RETNLB: variants seen among roughly 807,000 people sequenced by gnomAD.
RETNLB encodes resistin-like beta.
A neutral mutation model predicts 6.8 loss-of-function variants in RETNLB; 11 were observed. That is an observed-to-expected ratio of 1.62 (90% CI 1.02 to 2.68). The LOEUF is 2.68. RETNLB is among the 30% of genes most tolerant of loss of function. The pLI, the probability that RETNLB is intolerant of heterozygous loss-of-function variation, is 0.00. For missense variants in RETNLB, 146 were observed against 135.7 expected (o/e 1.08, Z -0.38); for synonymous variants, 57 against 54.2 (o/e 1.05, Z -0.23).
chr3:108,756,817 T>C, intron 1 of RETNLB: 1 of 595,334 alleles, frequency 1.7e-6, no homozygotes. Flanking sequence ...ACTTGGATTA[T>C]ACCTGGTTCA....
chr3:108,756,648 C>T (rs1276788183), intron 1 of RETNLB, 60 bp from the exon 2 acceptor site: 1 of 1,213,206 alleles, frequency 8.2e-7, no homozygotes, highest in African/African-American at 1.5e-5. Flanking sequence ...ATCCCCTTAT[C>T]CCCTTCCAAA....
chr3:108,756,855 C>T (rs145063685), intron 1 of RETNLB: 7,891 of 609,130 alleles, frequency 0.013, 73 homozygotes, highest in Middle Eastern at 0.021. Context: ...TTACAGCTAC[C>T]ATTCTCCTCC....
chr3:108,756,930 T>C (rs1945254429), intron 1 of RETNLB, 129 bp downstream of exon 1: 2 of 1,037,592 alleles, frequency 1.9e-6, no homozygotes, highest in Non-Finnish European at 1.4e-6. Context: ...GGTAGGGTAG[T>C]GTAGAAAGCC....
At position 108,757,035 on chromosome 3, in the gene RETNLB, G is replaced by A. The variant is rs368375598; in HGVS notation, c.127+24C>T. On this transcript the variant is annotated intron_variant, in intron 1 of 2. Transcript: ENST00000295755. ...AGAAATGAGCAAGGGTCAACCCCCC[G>A]CTTCCCCTACCCCAGTCAGTTACCT... 7.0e-5 allele frequency: 113 copies of A among 1,606,520 alleles called. No individual in the cohort carries two copies. In the East Asian group the frequency reaches 1.8e-3, roughly 26 times the overall value.
chr3:108,756,587 C>T lies in RETNLB; in HGVS notation c.129G>A (p.Glu43=), dbSNP rs779262328. 1.9e-6 allele frequency: 3 copies of T among 1,606,392 alleles called. No individual in the cohort carries two copies. In the East Asian group the frequency reaches 6.7e-5, roughly 36 times the overall value. Residue 43 remains glutamate, a splice_region_variant and synonymous_variant, in exon 2 of 3, where the codon GAG becomes GAA. Transcript: ENST00000295755. ...TCTTGCTTATAGGAGAGGGACTGTA[C>T]TCTGAGTAGGAAAGAAGAAAGGGTA... ...KKIKDVLNSL[E]YSPSPISKKL... is the part of the protein sequence containing the mutation.
At chr3:108,756,881 T>C (rs1175408687) in intron 1 of RETNLB, 178 bp downstream of exon 1, 2 of 676,824 alleles carry the variant, frequency 3.0e-6, no homozygotes, top group Non-Finnish European at 4.8e-6. Context: ...TTCCTCCTCA[T>C]CAGGAAAACC....
chr3:108,757,179 G>A lies in RETNLB; in HGVS notation c.7C>T (p.Pro3Ser), dbSNP rs778630730. 6.2e-6 allele frequency: 10 copies of A among 1,613,144 alleles called. No individual in the cohort carries two copies. Among genetic ancestry groups the A allele is most frequent in the Non-Finnish European group, 8.5e-6 (10 of 1,179,672 alleles). Residue 3 changes from proline (P) to serine (S), a missense_variant, in exon 1 of 3, where the codon CCG (proline) becomes TCG (serine). By Grantham distance (74) the Pro-to-Ser change is moderately conservative. Transcript: ENST00000295755. ...AGGATGAGAAGGAGGCAAGAGGACG[G>A]CCCCATCCTGTACAGAGTCAGTGTC... MG[P>S]SSCLLLILIP...
chr3:108,756,699 C>T, intron 1 of RETNLB, 111 bp from the exon 2 acceptor site: 1 of 766,400 alleles, frequency 1.3e-6, no homozygotes, highest in Non-Finnish European at 2.3e-6. Flanking sequence ...CCAGAATCAG[C>T]CTACTCATCA....
intron 1 of RETNLB, 128 bp downstream of exon 1, chr3:108,756,931 G>A: frequency 2.8e-6 from 3 of 1,073,634 alleles, no homozygotes; most frequent in South Asian, 1.7e-5. Flanking sequence ...GTAGGGTAGT[G>A]TAGAAAGCCC....
Position 108,755,736 on chromosome 3 carries a change from T to C in RETNLB, c.*42A>G. ...TTCTTGGTTGGGACCCTGGTTTCAT[T>C]ACTGTCATGGTCACAAAACTGAGTT... On this transcript the variant is annotated 3_prime_UTR_variant, in exon 3 of 3. Transcript: ENST00000295755. 1.9e-6 allele frequency: 3 copies of C among 1,601,238 alleles called. No homozygotes were observed. Among genetic ancestry groups the C allele is most frequent in the Non-Finnish European group, 2.6e-6 (3 of 1,169,616 alleles).
rs199529764 is a variant in RETNLB, at chr3:108,756,495, G to A, written c.208+13C>T. 2 of 1,574,412 alleles carry A rather than the reference G, an allele frequency of 1.3e-6. No individual in the cohort carries two copies. The highest frequency in any genetic ancestry group is 3.3e-5 in the Admixed American group (2 of 59,950). The stretch of plus-strand genomic sequence containing the variant: ...GCATCGTAGTCGCCATTCCCTCTCA[G>A]GGAGTTACTCACCAGCAGGGCAGGA... On this transcript the variant is annotated intron_variant, in intron 2 of 2. Coordinates refer to ENST00000295755, the MANE Select transcript of RETNLB (RefSeq NM_032579.3).
rs1443496199 is a variant in RETNLB at position 108,756,920 on chromosome 3, G to A, written c.127+139C>T. Reference sequence around the variant, plus strand: ...GCTTTTAGCCAAGACTTCAAACACGGGTAGGGTAGTGTAGAAAGCCCTCAT... The same window carrying A: ...GCTTTTAGCCAAGACTTCAAACACGAGTAGGGTAGTGTAGAAAGCCCTCAT... On this transcript the variant is annotated intron_variant, in intron 1 of 2. Coordinates refer to ENST00000295755, the MANE Select transcript of RETNLB (RefSeq NM_032579.3). The A allele has an allele frequency of 9.4e-6, 9 of 953,448 alleles. No homozygotes were observed. The Admixed American group carries it at 2.5e-4, about 27-fold the overall frequency. The allele number at this position is 953,448 out of a possible 1,614,324, so 59.1% of individuals were successfully genotyped here.
At chr3:108,756,387 C>T in intron 2 of RETNLB, 121 bp downstream of exon 2, 1 of 712,182 alleles carries the variant, frequency 1.4e-6, no homozygotes, top group Non-Finnish European at 2.5e-6. Flanking sequence ...AGAGTCATGA[C>T]TCAGCCCCAG....
chr3:108,756,857 T>C (rs760652899), intron 1 of RETNLB: 2 of 615,266 alleles, frequency 3.3e-6, no homozygotes, highest in Non-Finnish European at 5.6e-6. Flanking sequence ...ACAGCTACCA[T>C]TCTCCTCCAC....
At chr3:108,756,232 G>A (rs1379857948) in intron 2 of RETNLB, among the ~76,000 whole-genome samples, 1 of 152,196 alleles carries the variant, frequency 6.6e-6, no homozygotes, top group Non-Finnish European at 1.5e-5. Context: ...AATGAAGTAT[G>A]TGATCATTAT....
intron 1 of RETNLB, 61 bp from the exon 2 acceptor site, chr3:108,756,649 C>T: frequency 8.3e-7 from 1 of 1,210,110 alleles, no homozygotes; most frequent in Non-Finnish European, 1.2e-6. Flanking sequence ...TCCCCTTATC[C>T]CCTTCCAAAT....
Position 108,755,782 on chromosome 3 carries a change from G to T in RETNLB, c.332C>A (p.Thr111Asn). 6.2e-7 allele frequency: 1 copy of T among 1,613,940 alleles called. No individual in the cohort carries two copies. Among genetic ancestry groups the T allele is most frequent in the Non-Finnish European group, 8.5e-7 (1 of 1,179,848 alleles). Residue 111 changes from threonine (T) to asparagine (N), a missense_variant, in exon 3 of 3, where the codon ACC (threonine) becomes AAC (asparagine). Physicochemically the swap from Thr to Asn is moderately conservative, Grantham distance 65 (BLOSUM62 0). Transcript: ENST00000295755. The part of the protein sequence containing the change: ...DWTTARCCHL[T>N] ...GAGTTCTCAGCCTCCTCCCTGTCAGGTCAGGTGGCAGCAGCGGGCAGTGGT... is the reference window on the plus strand; with the variant it reads ...GAGTTCTCAGCCTCCTCCCTGTCAGTTCAGGTGGCAGCAGCGGGCAGTGGT...
Position 108,757,258 on chromosome 3 carries a change from G to C in RETNLB, c.-73C>G. ...GCTTAGATCTCTGAGCTCCTGGGTGGTGGTGAAGGAAAGAAGACAACGTGG... is the reference window on the plus strand; with the variant it reads ...GCTTAGATCTCTGAGCTCCTGGGTGCTGGTGAAGGAAAGAAGACAACGTGG... On this transcript the variant is annotated 5_prime_UTR_variant, in exon 1 of 3. Transcript: ENST00000295755. The C allele has an allele frequency of 1.3e-6, 2 of 1,524,194 alleles. No individual in the cohort carries two copies. Among genetic ancestry groups the C allele is most frequent in the South Asian group, 1.4e-5 (1 of 73,752 alleles). The allele number at this position is 1,524,194 out of a possible 1,614,324, so 94.4% of individuals were successfully genotyped here.
chr3:108,756,436 T>C lies in RETNLB; in HGVS notation c.208+72A>G, dbSNP rs1039824173. On this transcript the variant is annotated intron_variant, in intron 2 of 2. Transcript: ENST00000295755. The stretch of plus-strand genomic sequence containing the variant: ...TACAGACCTGACATGGGGGAAGACG[T>C]AGGTGCAGGGAGATGGACAGGGGAG... The C allele has an allele frequency of 7.8e-6, 8 of 1,020,900 alleles. No homozygotes were observed. The African/African-American group carries it at 1.3e-4, about 16-fold the overall frequency. The allele number at this position is 1,020,900 out of a possible 1,614,324, so 63.2% of individuals were successfully genotyped here. A position where few individuals can be genotyped will look rare whatever the true frequency, so the allele number is the denominator to read the frequency against.
Sources: allele counts gnomAD v4.1 joint callset (sites outside exome capture counted in the v4.1 genomes callset), GRCh38; gene constraint gnomAD v4.1.1; transcripts MANE v1.5; gene names NCBI Gene and HGNC (gene_info 2026-07-23, HGNC 2026-07-21).